The following KANSL1 variants were observed in gnomAD, a reference collection of about 807,000 sequenced individuals.
KANSL1 encodes MLL1/MLL complex subunit KANSL1.
In KANSL1, 22 loss-of-function variants were observed where a neutral mutation model predicts 103.6. That is an observed-to-expected ratio of 0.21 (90% CI 0.15 to 0.30). The LOEUF (loss-of-function observed/expected upper bound fraction) is 0.30, where lower values mean the gene tolerates loss of function less well. KANSL1 is among the 10% of genes least tolerant of loss of function. KANSL1 has a pLI of 1.00. For synonymous variants in KANSL1, 600 were observed against 527.6 expected, an observed-to-expected ratio of 1.14 and a Z score of -1.88; for missense variants, 1,337 against 1,399.8, an observed-to-expected ratio of 0.96 and a Z score of 0.72.
At chr17:46,087,677 G>A (rs2079217656) in intron 3 of KANSL1, among the ~76,000 whole-genome samples, 1 of 151,918 alleles carries the variant, frequency 6.6e-6, no homozygotes, top group African/African-American at 2.4e-5. Flanking sequence ...TACAGAGGAG[G>A]TCTACATAAT....
At chr17:46,091,589 G>C (rs1461667469) in intron 3 of KANSL1, among the ~76,000 whole-genome samples, 1 of 151,954 alleles carries the variant, frequency 6.6e-6, no homozygotes, top group Non-Finnish European at 1.5e-5. Flanking sequence ...GCCCTATACA[G>C]GTGTACCATT....
At position 46,158,504 on chromosome 17, in the gene KANSL1, G is replaced by A. The variant is rs377622770; in HGVS notation, c.1289+12351C>T. 5.3e-5 allele frequency among the ~76,000 whole-genome samples: 8 copies of A among 151,824 alleles called. No individual in the cohort carries two copies. The East Asian group carries it at 5.8e-4, about 11-fold the overall frequency. On this transcript the variant is annotated intron_variant, in intron 2 of 14. Coordinates refer to ENST00000432791, the MANE Select transcript of KANSL1 (RefSeq NM_015443.4). ...CAGCCTTCCAAGTAGCTGGGATTAC[G>A]GGCATGTGTCACCATGCCCAGCCAA...
chr17:46,165,920 C>T (rs1047648302), intron 2 of KANSL1, among the ~76,000 whole-genome samples: 9 of 152,070 alleles, frequency 5.9e-5, no homozygotes, highest in African/African-American at 2.2e-4. Flanking sequence ...GATAAAATTC[C>T]CCAGGAGGGG....
chr17:46,047,767 C>A (rs1333634587), intron 7 of KANSL1, among the ~76,000 whole-genome samples: 3 of 146,648 alleles, frequency 2.0e-5, no homozygotes, highest in Non-Finnish European at 3.0e-5. Flanking sequence ...CAGCTTAGGG[C>A]ACCGAGCAAG....
At chr17:46,212,876 T>TA (rs1272680955) in intron 1 of KANSL1, among the ~76,000 whole-genome samples, 5 of 152,234 alleles carry the variant, frequency 3.3e-5, no homozygotes, top group African/African-American at 1.2e-4. Context: ...TCTGATAGGT[T>TA]AAAAAAAGAG....
chr17:46,164,922 CCCA>C (rs1161716657), intron 2 of KANSL1, among the ~76,000 whole-genome samples: 24 of 152,284 alleles, frequency 1.6e-4, no homozygotes, highest in Admixed American at 1.4e-3. Flanking sequence ...TTCCTCCCAA[CCCA>C]CCACTTTATG....
intron 6 of KANSL1, among the ~76,000 whole-genome samples, chr17:46,058,721 A>C (rs2078018657): frequency 2.0e-5 from 1 of 50,734 alleles, no homozygotes; most frequent in Admixed American, 2.4e-4. Context: ...ACACACACAC[A>C]CACACACACA....
chr17:46,081,002 GTAAA>G (rs1214208719), intron 4 of KANSL1, among the ~76,000 whole-genome samples: 1 of 152,116 alleles, frequency 6.6e-6, no homozygotes, highest in Non-Finnish European at 1.5e-5. Context: ...TAACACACAA[GTAAA>G]TGAATGAAGG....
At chr17:46,143,833 T>C (rs981407825) in intron 2 of KANSL1, among the ~76,000 whole-genome samples, 2 of 140,914 alleles carry the variant, frequency 1.4e-5, no homozygotes, top group Non-Finnish European at 3.1e-5. Context: ...AAAAAAGAAG[T>C]TGTTATCTTC....
chr17:46,165,929 G>C (rs1306340421), intron 2 of KANSL1, among the ~76,000 whole-genome samples: 2 of 152,140 alleles, frequency 1.3e-5, no homozygotes, highest in Non-Finnish European at 2.9e-5. Flanking sequence ...CCCCAGGAGG[G>C]GCTAGGCACA....
At chr17:46,141,934 G>A (rs534523903) in intron 2 of KANSL1, among the ~76,000 whole-genome samples, 1 of 152,212 alleles carries the variant, frequency 6.6e-6, no homozygotes, top group Admixed American at 6.5e-5. Flanking sequence ...GCGTGCCCAG[G>A]CTGGAGTGCA....
At chr17:46,063,947 G>A (rs1197528503) in intron 6 of KANSL1, among the ~76,000 whole-genome samples, 4 of 144,128 alleles carry the variant, frequency 2.8e-5, no homozygotes, top group Admixed American at 7.0e-5. Context: ...AATTCATCAA[G>A]GAATTGACAA....
intron 2 of KANSL1, among the ~76,000 whole-genome samples, chr17:46,101,738 A>T (rs1337883570): frequency 7.5e-6 from 1 of 134,220 alleles, no homozygotes; most frequent in Admixed American, 7.9e-5. Flanking sequence ...TGGGGGACAG[A>T]GCAAGACTCT....
intron 1 of KANSL1, among the ~76,000 whole-genome samples, chr17:46,179,752 C>T (rs1213716943): frequency 2.0e-5 from 3 of 152,146 alleles, no homozygotes; most frequent in Admixed American, 6.5e-5. Context: ...TGGGAAAAGG[C>T]GACATTCTGA....
rs139376647 is a variant in KANSL1 at position 46,181,923 on chromosome 17, C to T, written c.-89-9691G>A. On this transcript the variant is annotated intron_variant, in intron 1 of 14. Coordinates refer to ENST00000432791, the MANE Select transcript of KANSL1 (RefSeq NM_015443.4). ...CCCCAAACTTACTAATTTTTCAATA[C>T]ATAGCATCTCCACAAAAACTTCTTA... Among the ~76,000 whole-genome samples, 763 of 152,128 alleles carry T rather than the reference C, an allele frequency of 5.0e-3. 4 individuals are homozygous for T. The highest frequency in any genetic ancestry group is 5.9e-3 in the Non-Finnish European group (401 of 67,998).
At position 46,117,516 on chromosome 17, in the gene KANSL1, T is replaced by C. The variant is rs2043096430; in HGVS notation, c.1290-22815A>G. 3.9e-5 allele frequency among the ~76,000 whole-genome samples: 6 copies of C among 152,246 alleles called. No individual in the cohort carries two copies. In the South Asian group the frequency reaches 1.0e-3, roughly 26 times the overall value. On this transcript the variant is annotated intron_variant, in intron 2 of 14. Transcript: ENST00000432791. ...TCTGTTAAATAGATATTAGTGATGG[T>C]GGCAGTGGCAGGTGGAGAAGGGGAT...
At chr17:46,105,184 C>A (rs1286166201) in intron 2 of KANSL1, among the ~76,000 whole-genome samples, 1 of 152,184 alleles carries the variant, frequency 6.6e-6, no homozygotes, top group East Asian at 1.9e-4. Flanking sequence ...GTGAAAGGCT[C>A]TCAGTTATTC....
intron 2 of KANSL1, among the ~76,000 whole-genome samples, chr17:46,157,969 G>T (rs1294181944): frequency 6.6e-6 from 1 of 152,234 alleles, no homozygotes. Context: ...TCTAGAGAAA[G>T]AATAGTTGTA....
chr17:46,046,452 C>A (rs2077506985), intron 7 of KANSL1, among the ~76,000 whole-genome samples: 1 of 143,258 alleles, frequency 7.0e-6, no homozygotes, highest in Non-Finnish European at 1.5e-5. Flanking sequence ...ATCACCTGAT[C>A]CTGGGAGGCC....
Sources: allele counts gnomAD v4.1 joint callset (sites outside exome capture counted in the v4.1 genomes callset), GRCh38; gene constraint gnomAD v4.1.1; transcripts MANE v1.5; gene names NCBI Gene and HGNC (gene_info 2026-07-23, HGNC 2026-07-21).